SHC2: variants seen among roughly 807,000 people sequenced by gnomAD.
SHC2 encodes SHC-transforming protein 2.
In SHC2, 62 loss-of-function variants were observed where a neutral mutation model predicts 60.6. The observed-to-expected ratio is 1.02, with a 90% CI of 0.83 to 1.26. The LOEUF (loss-of-function observed/expected upper bound fraction) is 1.26. SHC2 is among the 50% of genes most tolerant of loss of function. The pLI, the probability that SHC2 is intolerant of heterozygous loss-of-function variation, is 0.00. For missense variants in SHC2, 873 were observed against 822.2 expected, an observed-to-expected ratio of 1.06 and a Z score of -0.76; for synonymous variants, 375 against 372.4, an observed-to-expected ratio of 1.01 and a Z score of -0.08.
Position 456,370 on chromosome 19 carries a change from A to G in SHC2, c.468+4159T>C, listed in dbSNP as rs538151582. 5.9e-5 allele frequency among the ~76,000 whole-genome samples: 9 copies of G among 151,534 alleles called. No individual in the cohort carries two copies. The South Asian group carries it at 1.3e-3, about 21-fold the overall frequency. ...GGCCAGGGCCCCTGGTCCATCAGCA[A>G]CTCCTCCGGGCTCCAACACAGGCTC... On this transcript the variant is annotated intron_variant, in intron 1 of 12. Coordinates refer to ENST00000264554, the MANE Select transcript of SHC2 (RefSeq NM_012435.3).
chr19:438,906 C>T lies in SHC2; in HGVS notation c.600+64G>A, dbSNP rs960131405. On this transcript the variant is annotated intron_variant, in intron 3 of 12. Coordinates refer to ENST00000264554, the MANE Select transcript of SHC2 (RefSeq NM_012435.3). This position sits in a 1 kb window ranked among gnomAD's most constrained non-coding sequence, Gnocchi z 5.0. ...GCTGTCGAGGGGCTCCCAGGATGGC[C>T]GCAGCGTCCCCACAGCCCCCGACTG... is the stretch of plus-strand genomic sequence containing the variant. 15 of 1,553,550 alleles carry T rather than the reference C, an allele frequency of 9.7e-6. No homozygotes were observed. The highest frequency in any genetic ancestry group is 5.5e-5 in the African/African-American group (4 of 73,266).
chr19:435,944 G>A (rs1259867246), intron 7 of SHC2: 1 of 540,560 alleles, frequency 1.8e-6, no homozygotes, highest in Non-Finnish European at 3.3e-6. Flanking sequence ...GAGTCAGCTT[G>A]CTTAGTCCTC....
In SHC2 at chr19:456,738, C is replaced by G. The variant is rs191814445; in HGVS notation, c.468+3791G>C. On this transcript the variant is annotated intron_variant, in intron 1 of 12. Transcript: ENST00000264554. ...AGAACTCTGTCTGCAAACTCCACCG[C>G]GTCAGGCCTTTGCACCTGCACCTGC... 6.7e-3 allele frequency among the ~76,000 whole-genome samples: 1,020 copies of G among 151,280 alleles called. 9 individuals carry two copies. The highest frequency in any genetic ancestry group is 8.6e-3 in the Non-Finnish European group (583 of 67,694).
intron 9 of SHC2, among the ~76,000 whole-genome samples, chr19:427,602 G>A (rs1480355156): frequency 7.5e-5 from 10 of 133,176 alleles, no homozygotes; most frequent in Non-Finnish European, 1.6e-4. Context: ...ACACGGCGCA[G>A]GGAAGGGGAA....
In SHC2 at chr19:425,442, A is replaced by G. The variant is rs1447262756; in HGVS notation, c.1175-211T>C. On this transcript the variant is annotated intron_variant, in intron 9 of 12. Transcript: ENST00000264554. This position sits in a 1 kb window ranked among gnomAD's most constrained non-coding sequence, Gnocchi z 4.1. ...GCAGCAAAGCCCCGTCGGGGCTCCA[A>G]CCAGGGACAAGAGTGGGGCAGCGTG... 5.9e-5 allele frequency among the ~76,000 whole-genome samples: 9 copies of G among 152,306 alleles called. No individual in the cohort carries two copies. Among genetic ancestry groups the G allele is most frequent in the Non-Finnish European group, 1.3e-4 (9 of 68,010 alleles).
intron 11 of SHC2, chr19:419,316 G>T (rs763644236): frequency 1.6e-4 from 69 of 443,254 alleles, no homozygotes; most frequent in Non-Finnish European, 1.9e-4. Context: ...GGAAGATGCG[G>T]CCAGGTCCCA....
intron 11 of SHC2, among the ~76,000 whole-genome samples, chr19:420,920 G>A (rs1374628670): frequency 1.3e-5 from 2 of 152,002 alleles, no homozygotes; most frequent in Admixed American, 6.6e-5. Flanking sequence ...CGTGGTGGTG[G>A]GCGCCTGTAG....
chr19:439,317 C>T (rs1974801041), intron 2 of SHC2: 1 of 519,818 alleles, frequency 1.9e-6, no homozygotes, highest in Non-Finnish European at 3.5e-6. Context: ...AGAGGCCCGG[C>T]CCCCAGCTCT....
chr19:425,282 C>A lies in SHC2; in HGVS notation c.1175-51G>T. 8 of 1,299,036 alleles carry A rather than the reference C, an allele frequency of 6.2e-6. No individual in the cohort carries two copies. Among genetic ancestry groups the A allele is most frequent in the Non-Finnish European group, 7.9e-6 (8 of 1,015,930 alleles). 80.5% of individuals were successfully genotyped at this position (1,299,036 alleles called of 1,614,324 possible). ...GGTCAGCTGGGAGCCAGGCGAGGGGCTCGCAGGGAGCAAGGCGGGGTCCCA... is the reference window on the plus strand; with the variant it reads ...GGTCAGCTGGGAGCCAGGCGAGGGGATCGCAGGGAGCAAGGCGGGGTCCCA... On this transcript the variant is annotated intron_variant, in intron 9 of 12. Coordinates refer to ENST00000264554, the MANE Select transcript of SHC2 (RefSeq NM_012435.3). This position sits in a 1 kb window ranked among gnomAD's most constrained non-coding sequence, Gnocchi z 4.1.
In SHC2 at chr19:424,231, G is replaced by A. The variant is rs561312708; in HGVS notation, c.1309+866C>T. ...AGCCAAGGAAGGACAAGCCTCCTCC[G>A]CCCGGCTGGGGGCTCCCTCGGGCTG... On this transcript the variant is annotated intron_variant, in intron 10 of 12. Transcript: ENST00000264554. This position sits in a 1 kb window ranked among gnomAD's most constrained non-coding sequence, Gnocchi z 4.5. 8.5e-5 allele frequency among the ~76,000 whole-genome samples: 13 copies of A among 152,274 alleles called. No homozygotes were observed. The East Asian group carries it at 1.9e-3, about 23-fold the overall frequency.
chr19:454,237 C>A (rs1975275801), intron 1 of SHC2, among the ~76,000 whole-genome samples: 1 of 152,218 alleles, frequency 6.6e-6, no homozygotes, highest in Admixed American at 6.5e-5. Context: ...GGCAGCCACA[C>A]TGGACGGTGC....
chr19:460,967 G>C lies in SHC2; in HGVS notation c.30C>G (p.Pro10=). 1 of 982,376 alleles carries C rather than the reference G, an allele frequency of 1.0e-6. No individual in the cohort carries two copies. Among genetic ancestry groups the C allele is most frequent in the African/African-American group, 1.8e-5 (1 of 56,712 alleles). The allele number at this position is 982,376 out of a possible 1,614,324, so 60.9% of individuals were successfully genotyped here. A position where few individuals can be genotyped will look rare whatever the true frequency, so the allele number is the denominator to read the frequency against. Residue 10 remains proline (P), a synonymous_variant, in exon 1 of 13, where the codon CCC becomes CCG. Transcript: ENST00000264554. ...GCTCGGGGGGCGCGGGGGGCGCCGG[G>C]GGCGCGCGCCCGCCCGGACCCTGCG... MTQGPGGRA[P]PAPPAPPEPE...
Position 425,403 on chromosome 19 carries a change from G to A in SHC2, c.1175-172C>T, listed in dbSNP as rs540053186. ...AACCCGCCCGTCTGCAGGTGCCACAGGGAGCATCTTACAGCAGCAAAGCCC... is the reference window on the plus strand; with the variant it reads ...AACCCGCCCGTCTGCAGGTGCCACAAGGAGCATCTTACAGCAGCAAAGCCC... On this transcript the variant is annotated intron_variant, in intron 9 of 12. Transcript: ENST00000264554. The surrounding 1 kb of genome is among the most constrained non-coding windows in gnomAD (Gnocchi z 4.1). Among the ~76,000 whole-genome samples the A allele has an allele frequency of 6.6e-6, 1 of 152,334 alleles. No individual in the cohort carries two copies. The highest frequency in any genetic ancestry group is 2.1e-4 in the South Asian group (1 of 4,834).
rs1015013669 is a variant in SHC2, at chr19:424,069, G to A, written c.1309+1028C>T. Reference sequence around the variant, plus strand: ...TTTGTCAGGTGGTGGAGGAAAGGGAGAAATTTGCAGTTAGCTTGGGAGGCA... The same window carrying A: ...TTTGTCAGGTGGTGGAGGAAAGGGAAAAATTTGCAGTTAGCTTGGGAGGCA... On this transcript the variant is annotated intron_variant, in intron 10 of 12. Transcript: ENST00000264554. This position sits in a 1 kb window ranked among gnomAD's most constrained non-coding sequence, Gnocchi z 4.5. Among the ~76,000 whole-genome samples, 8 of 152,204 alleles carry A rather than the reference G, an allele frequency of 5.3e-5. No individual in the cohort carries two copies. Among genetic ancestry groups the A allele is most frequent in the African/African-American group, 1.9e-4 (8 of 41,452 alleles).
At position 436,310 on chromosome 19, in the gene SHC2, T is replaced by C; in HGVS notation, c.827-19A>G. The C allele has an allele frequency of 6.3e-7, 1 of 1,586,036 alleles. No homozygotes were observed. The highest frequency in any genetic ancestry group is 8.6e-7 in the Non-Finnish European group (1 of 1,167,202). On this transcript the variant is annotated intron_variant, in intron 6 of 12. Transcript: ENST00000264554. ...TGGCAGGCTGCGGGCACGTTGGTCA[T>C]GCAGCCTCCGAGCCACACGGCCGTG... is the stretch of plus-strand genomic sequence containing the variant.
intron 9 of SHC2, among the ~76,000 whole-genome samples, chr19:428,340 C>T (rs1408272167): frequency 6.6e-6 from 1 of 152,192 alleles, no homozygotes; most frequent in Non-Finnish European, 1.5e-5. Flanking sequence ...TGAGTCCTGG[C>T]ACACAGGCGG....
intron 7 of SHC2, among the ~76,000 whole-genome samples, chr19:435,416 C>T (rs907576502): frequency 3.9e-5 from 6 of 152,252 alleles, no homozygotes; most frequent in African/African-American, 7.2e-5. Flanking sequence ...GTCTCAGCTT[C>T]GGAGCGTGCT....
At position 422,613 on chromosome 19, in the gene SHC2, C is replaced by T. The variant is rs931324463; in HGVS notation, c.1310-157G>A. On this transcript the variant is annotated intron_variant, in intron 10 of 12. Coordinates refer to ENST00000264554, the MANE Select transcript of SHC2 (RefSeq NM_012435.3). This position sits in a 1 kb window ranked among gnomAD's most constrained non-coding sequence, Gnocchi z 5.0. ...ACAGCGTATCAGACTCGCACTCTGC[C>T]CAGCCCCGTGCGTGCGGTGGGCTCA... is the stretch of plus-strand genomic sequence containing the variant. 21 of 644,738 alleles carry T rather than the reference C, an allele frequency of 3.3e-5. 1 individual carries two copies. In the South Asian group the frequency reaches 4.3e-4, roughly 13 times the overall value. 39.9% of individuals were successfully genotyped at this position (644,738 alleles called of 1,614,324 possible). A position where few individuals can be genotyped will look rare whatever the true frequency, so the allele number is the denominator to read the frequency against.
chr19:420,024 G>T (rs923887041), intron 11 of SHC2: 1 of 152,282 alleles, frequency 6.6e-6, no homozygotes, highest in Non-Finnish European at 1.5e-5. Flanking sequence ...GCACAATCAC[G>T]TCCTTCTGTG....
Sources: gnomAD v4.1 joint callset for allele counts (sites outside exome capture counted in the v4.1 genomes callset) on GRCh38, gnomAD v4.1.1 for gene constraint, Gnocchi (gnomAD v3.1) non-coding constraint, MANE v1.5 for transcripts, NCBI Gene and HGNC (gene_info 2026-07-23, HGNC 2026-07-21) for gene names.